The following SF3B3 variants were observed in gnomAD, a reference collection of about 807,000 sequenced individuals.
The protein encoded by SF3B3 is SAP 130.
SF3B3 carries 33 observed loss-of-function variants against 139.2 expected under a neutral mutation model. That is an observed-to-expected ratio of 0.24 (90% CI 0.18 to 0.32). The LOEUF (loss-of-function observed/expected upper bound fraction) is 0.32. SF3B3 is among the 10% of genes least tolerant of loss of function. SF3B3 has a pLI of 1.00. For missense variants in SF3B3, 818 were observed against 1,509.4 expected, an observed-to-expected ratio of 0.54 and a Z score of 7.59; for synonymous variants, 596 against 563.6, an observed-to-expected ratio of 1.06 and a Z score of -0.81.
At chr16:70,569,691 A>G (rs1196061999) in intron 23 of SF3B3, among the ~76,000 whole-genome samples, 2 of 151,982 alleles carry the variant, frequency 1.3e-5, no homozygotes, top group African/African-American at 4.8e-5. Context: ...GTGTGGTGGT[A>G]CAATCACAGA....
In SF3B3 at chr16:70,556,165, C is replaced by T. The variant is rs772621233; in HGVS notation, c.1711-14C>T. The T allele has an allele frequency of 1.2e-6, 2 of 1,614,076 alleles. No individual in the cohort carries two copies. Among genetic ancestry groups the T allele is most frequent in the East Asian group, 4.5e-5 (2 of 44,882 alleles). ...CTCTGTAGTTTTGACCTTGCTGTGT[C>T]TTTCCTCCTGTAGTCAGGACAGCTG... On this transcript the variant is annotated splice_polypyrimidine_tract_variant and intron_variant, in intron 13 of 25. Transcript: ENST00000302516.
rs907866048 is a variant in SF3B3, at chr16:70,570,331, T to G, written c.3408+182T>G. 4.5e-5 allele frequency among the ~76,000 whole-genome samples: 6 copies of G among 134,028 alleles called. No individual in the cohort carries two copies. The East Asian group carries it at 9.7e-4, about 22-fold the overall frequency. The allele number at this position is 134,028 out of a possible 152,430, so 87.9% of individuals were successfully genotyped here. A position where few individuals can be genotyped will look rare whatever the true frequency, so the allele number is the denominator to read the frequency against. On this transcript the variant is annotated intron_variant, in intron 24 of 25. Coordinates refer to ENST00000302516, the MANE Select transcript of SF3B3 (RefSeq NM_012426.5). Reference sequence around the variant, plus strand: ...TCTCCCGCACCCAGGGAAGGCCATTTGGTTTTTTTTTTTTTTTTTGCGACG... The same window carrying G: ...TCTCCCGCACCCAGGGAAGGCCATTGGGTTTTTTTTTTTTTTTTTGCGACG...
intron 9 of SF3B3, among the ~76,000 whole-genome samples, chr16:70,543,192 G>A (rs1425794096): frequency 6.6e-6 from 1 of 151,970 alleles, no homozygotes; most frequent in East Asian, 1.9e-4. Context: ...CAGATCACCT[G>A]AGGTTGGGAG....
rs752599445 is a variant in SF3B3 at position 70,556,206 on chromosome 16, C to T, written c.1738C>T (p.Arg580Trp). The T allele has an allele frequency of 3.7e-6, 6 of 1,614,166 alleles. No individual in the cohort carries two copies. The highest frequency in any genetic ancestry group is 5.1e-6 in the Non-Finnish European group (6 of 1,180,034). Residue 580 changes from arginine (R) to tryptophan (W), a missense_variant, in exon 14 of 26, where the codon CGG (arginine) becomes TGG (tryptophan). Transcript: ENST00000302516. Reference sequence around the variant, plus strand: ...AGGACAGCTGAATGAGTACACAGAACGGAAGGAGATGTCAGCAGATGTGGT... The same window carrying T: ...AGGACAGCTGAATGAGTACACAGAATGGAAGGAGATGTCAGCAGATGTGGT... ...PSGQLNEYTE[R>W]KEMSADVVCM...
Position 70,575,196 on chromosome 16 carries a change from CTTTTTTTTTT to C in SF3B3, c.*3394_*3403del, listed in dbSNP as rs897314035. ...TTTTCTTTTTCTTTTTCTTTTTTTT[CTTTTTTTTTT>C]TTTTTTTTTTGAGATGAAGTCTTAC... On this transcript the variant is annotated 3_prime_UTR_variant, in exon 26 of 26. Coordinates refer to ENST00000302516, the MANE Select transcript of SF3B3 (RefSeq NM_012426.5). The C allele has an allele frequency of 7.3e-5, 8 of 110,008 alleles. No homozygotes were observed. Among genetic ancestry groups the C allele is most frequent in the African/African-American group, 1.7e-4 (5 of 29,056 alleles). The allele number at this position is 110,008 out of a possible 1,614,324, so 6.8% of individuals were successfully genotyped here.
chr16:70,541,571 T>G, intron 8 of SF3B3, 98 bp from the exon 9 acceptor site: 1 of 949,472 alleles, frequency 1.1e-6, no homozygotes, highest in South Asian at 1.6e-5. Context: ...AATAGTATCT[T>G]AATATAATCA....
chr16:70,560,940 C>A (rs2050422279), intron 16 of SF3B3, among the ~76,000 whole-genome samples: 1 of 152,158 alleles, frequency 6.6e-6, no homozygotes, highest in Admixed American at 6.6e-5. Context: ...GTGAAAGAGA[C>A]TGGGAAACAT....
chr16:70,559,828 C>G (rs1453581438), intron 15 of SF3B3, among the ~76,000 whole-genome samples: 1 of 150,168 alleles, frequency 6.7e-6, no homozygotes, highest in East Asian at 2.0e-4. Context: ...GTCTTTAGCT[C>G]TTGGCCTCAA....
intron 17 of SF3B3, among the ~76,000 whole-genome samples, chr16:70,562,395 G>C (rs549468348): frequency 1.3e-5 from 2 of 152,126 alleles, no homozygotes; most frequent in African/African-American, 2.4e-5. Flanking sequence ...ATGGCCTCTT[G>C]ATAGATTAAT....
intron 24 of SF3B3, 57 bp from the exon 25 acceptor site, chr16:70,571,038 A>G: frequency 8.7e-7 from 1 of 1,149,218 alleles, no homozygotes; most frequent in Admixed American, 1.7e-5. Flanking sequence ...TGCTTGTGGA[A>G]ACTCTAGACT....
chr16:70,556,852 T>G, intron 14 of SF3B3, 34 bp from the exon 15 acceptor site: 1 of 1,613,022 alleles, frequency 6.2e-7, no homozygotes, highest in Non-Finnish European at 8.5e-7. Flanking sequence ...AATTGTCATT[T>G]TCTGTGTTTT....
At chr16:70,544,122 AAAT>A (rs1428921532) in intron 9 of SF3B3, among the ~76,000 whole-genome samples, 15 of 152,220 alleles carry the variant, frequency 9.9e-5, no homozygotes, top group African/African-American at 3.1e-4. Flanking sequence ...GAGGTTTTAT[AAAT>A]AATAAGATGA....
chr16:70,550,107 G>C (rs1199373106), intron 11 of SF3B3: 1 of 151,986 alleles, frequency 6.6e-6, no homozygotes, highest in Non-Finnish European at 1.5e-5. Flanking sequence ...AGATTCTGTG[G>C]GTCTTGGTGG....
intron 13 of SF3B3, among the ~76,000 whole-genome samples, chr16:70,555,500 A>AGG (rs201329608): frequency 2.3e-4 from 32 of 141,524 alleles, no homozygotes; most frequent in Admixed American, 3.7e-4. Context: ...AAAAAAAAAA[A>AGG]GCGAGCTGGA....
Position 70,574,759 on chromosome 16 carries a change from C to T in SF3B3, c.*2946C>T, listed in dbSNP as rs952851425. Reference sequence around the variant, plus strand: ...CCACCTAGCTCAGCCTACCAAAGTGCTGTGATTACAGGCGTGAGCCACCAT... The same window carrying T: ...CCACCTAGCTCAGCCTACCAAAGTGTTGTGATTACAGGCGTGAGCCACCAT... On this transcript the variant is annotated 3_prime_UTR_variant, in exon 26 of 26. Coordinates refer to ENST00000302516, the MANE Select transcript of SF3B3 (RefSeq NM_012426.5). 6.6e-6 allele frequency: 1 copy of T among 152,244 alleles called. No homozygotes were observed. Among genetic ancestry groups the T allele is most frequent in the Non-Finnish European group, 1.5e-5 (1 of 68,050 alleles). 9.4% of individuals were successfully genotyped at this position (152,244 alleles called of 1,614,324 possible).
Position 70,547,740 on chromosome 16 carries a change from C to G in SF3B3, c.1330-630C>G, listed in dbSNP as rs145214885. Among the ~76,000 whole-genome samples the G allele has an allele frequency of 2.1e-3, 315 of 152,322 alleles. 2 individuals are homozygous for G. Among genetic ancestry groups the G allele is most frequent in the African/African-American group, 6.8e-3 (284 of 41,566 alleles). ...TCCCGAGTAGCTGGGATTACGGCAC[C>G]CGCCATCATGCCTGGCTAATTTTTA... On this transcript the variant is annotated intron_variant, in intron 10 of 25. Coordinates refer to ENST00000302516, the MANE Select transcript of SF3B3 (RefSeq NM_012426.5).
intron 5 of SF3B3, among the ~76,000 whole-genome samples, chr16:70,532,994 G>A (rs2050135559): frequency 1.3e-5 from 2 of 152,132 alleles, no homozygotes; most frequent in African/African-American, 2.4e-5. Flanking sequence ...TGGAACTTGT[G>A]AATTTGAAAA....
chr16:70,550,228 GTGT>G (rs1270361713), intron 11 of SF3B3: 1 of 152,232 alleles, frequency 6.6e-6, no homozygotes, highest in Admixed American at 6.5e-5. Context: ...GTATACAAAA[GTGT>G]TGTGTGTTGT....
Position 70,574,524 on chromosome 16 carries a change from A to G in SF3B3, c.*2711A>G, listed in dbSNP as rs916160331. On this transcript the variant is annotated 3_prime_UTR_variant, in exon 26 of 26. Transcript: ENST00000302516. ...TTGTTTGTTTGTTTATTAGAGATGG[A>G]ATCTCTCTCTCTTGACCAGGCTAGA... The G allele has an allele frequency of 6.6e-6, 1 of 152,148 alleles. No homozygotes were observed. The highest frequency in any genetic ancestry group is 1.5e-5 in the Non-Finnish European group (1 of 68,042). 9.4% of individuals were successfully genotyped at this position (152,148 alleles called of 1,614,324 possible).
Sources: allele counts gnomAD v4.1 joint callset (sites outside exome capture counted in the v4.1 genomes callset), GRCh38; gene constraint gnomAD v4.1.1; transcripts MANE v1.5; gene names NCBI Gene and HGNC (gene_info 2026-07-23, HGNC 2026-07-21).